The following MARS1 variants were observed in gnomAD, a reference collection of about 807,000 sequenced individuals.
MARS1 encodes the protein methionine--tRNA ligase, cytoplasmic.
A neutral mutation model predicts 119.5 loss-of-function variants in MARS1; 80 were observed. The ratio of observed to expected loss-of-function variants is 0.67; its 90% confidence interval spans 0.56 to 0.81. The LOEUF (loss-of-function observed/expected upper bound fraction) is 0.81. MARS1 is among the 30% of genes least tolerant of loss of function. The probability of loss-of-function intolerance (pLI) is 0.00; values close to 1 mark genes in which losing one functional copy is unlikely to be tolerated. For synonymous variants in MARS1, 418 were observed against 433.4 expected, an observed-to-expected ratio of 0.96 and a Z score of 0.44; for missense variants, 945 against 1,116.5, an observed-to-expected ratio of 0.85 and a Z score of 2.19.
intron 4 of MARS1, 148 bp downstream of exon 4, chr12:57,489,706 T>C: frequency 8.0e-7 from 1 of 1,242,534 alleles, no homozygotes; most frequent in Non-Finnish European, 1.1e-6. Context: ...ATCCTCAATT[T>C]TTTTCAGTTG....
At chr12:57,507,715 C>T (rs1319064616) in intron 11 of MARS1, among the ~76,000 whole-genome samples, 1 of 131,976 alleles carries the variant, frequency 7.6e-6, no homozygotes, top group Non-Finnish European at 1.7e-5. Flanking sequence ...GTCTGGCCCC[C>T]CACCTCCCTC....
chr12:57,500,267 G>C, intron 9 of MARS1, 54 bp from the exon 10 acceptor site: 3 of 1,470,728 alleles, frequency 2.0e-6, no homozygotes, highest in Non-Finnish European at 1.9e-6. Context: ...CAGGAGGAAG[G>C]GGTCCACCAC....
intron 7 of MARS1, among the ~76,000 whole-genome samples, chr12:57,491,867 A>G (rs901665962): frequency 6.6e-6 from 1 of 152,212 alleles, no homozygotes; most frequent in Non-Finnish European, 1.5e-5. Flanking sequence ...CCTGCATGCT[A>G]GGAGCTGGGT....
chr12:57,510,604 T>TA lies in MARS1; in HGVS notation c.1369-1082dup, dbSNP rs767292746. ...TGGGCAACAGAGTGACACCCTACCTTAAAAAAAAAAAAGAAAATTTTTTTT... is the reference window on the plus strand; with the variant it reads ...TGGGCAACAGAGTGACACCCTACCTTAAAAAAAAAAAAAGAAAATTTTTTTT... On this transcript the variant is annotated intron_variant, in intron 11 of 20. Transcript: ENST00000262027. 4.5e-3 allele frequency among the ~76,000 whole-genome samples: 645 copies of TA among 141,862 alleles called. 10 individuals carry two copies. The highest frequency in any genetic ancestry group is 0.036 in the Admixed American group (512 of 14,158). The allele number at this position is 141,862 out of a possible 152,430, so 93.1% of individuals were successfully genotyped here. A position where few individuals can be genotyped will look rare whatever the true frequency, so the allele number is the denominator to read the frequency against.
At chr12:57,504,045 T>A in intron 10 of MARS1, 180 bp from the exon 11 acceptor site, 1 of 599,922 alleles carries the variant, frequency 1.7e-6, no homozygotes, top group Non-Finnish European at 3.0e-6. Flanking sequence ...AATGGAGTTA[T>A]ACTGAGAAGA....
chr12:57,498,779 G>A (rs1438254671), intron 9 of MARS1, among the ~76,000 whole-genome samples, 156 bp downstream of exon 9: 1 of 152,086 alleles, frequency 6.6e-6, no homozygotes, highest in African/African-American at 2.4e-5. Flanking sequence ...GCATTTTTGA[G>A]GGAAGATGGT....
intron 12 of MARS1, 34 bp from the exon 13 acceptor site, chr12:57,511,974 G>A: frequency 1.9e-6 from 3 of 1,609,154 alleles, no homozygotes; most frequent in Non-Finnish European, 2.6e-6. Context: ...CTTTGGATTG[G>A]TCCCTAACAT....
At chr12:57,511,594 T>G in intron 11 of MARS1, 104 bp from the exon 12 acceptor site, 1 of 1,248,542 alleles carries the variant, frequency 8.0e-7, no homozygotes, top group Non-Finnish European at 1.1e-6. Context: ...AAAAAAAAAG[T>G]TATATATTGC....
At chr12:57,502,479 G>T (rs1876960829) in intron 10 of MARS1, among the ~76,000 whole-genome samples, 1 of 152,050 alleles carries the variant, frequency 6.6e-6, no homozygotes, top group African/African-American at 2.4e-5. Context: ...AGCTGAGGCG[G>T]CCGGATCACC....
At chr12:57,503,421 C>T (rs550461102) in intron 10 of MARS1, among the ~76,000 whole-genome samples, 11 of 152,054 alleles carry the variant, frequency 7.2e-5, no homozygotes, top group Admixed American at 4.6e-4. Flanking sequence ...TTAGTAGAGA[C>T]GAGGTTTCAC....
rs541957102 is a variant in MARS1, at chr12:57,488,918, C to A, written c.110-101C>A. 5.9e-4 allele frequency: 586 copies of A among 997,496 alleles called. 10 individuals are homozygous for A. In the South Asian group the frequency reaches 8.1e-3, roughly 14 times the overall value. 61.8% of individuals were successfully genotyped at this position (997,496 alleles called of 1,614,324 possible). A position where few individuals can be genotyped will look rare whatever the true frequency, so the allele number is the denominator to read the frequency against. On this transcript the variant is annotated intron_variant, in intron 1 of 20. Coordinates refer to ENST00000262027, the MANE Select transcript of MARS1 (RefSeq NM_004990.4). ...TTCTGGGTTGAGACTGCCCATCTTT[C>A]TTTTTTTACTCACTGAACAATGCAA...
intron 11 of MARS1, among the ~76,000 whole-genome samples, chr12:57,506,108 G>A (rs1489454266): frequency 6.6e-6 from 1 of 151,840 alleles, no homozygotes; most frequent in Non-Finnish European, 1.5e-5. Flanking sequence ...AAATACAGAA[G>A]TTAACTGGGT....
intron 1 of MARS1, 106 bp from the exon 2 acceptor site, chr12:57,488,913 T>G: frequency 2.1e-6 from 2 of 936,518 alleles, no homozygotes; most frequent in African/African-American, 1.6e-5. Context: ...AGACTGCCCA[T>G]CTTTCTTTTT....
chr12:57,514,873 CTT>C, intron 16 of MARS1, 22 bp downstream of exon 16: 1 of 1,613,310 alleles, frequency 6.2e-7, no homozygotes. Context: ...ACACCTCTGT[CTT>C]TTCTGCTGGC....
chr12:57,505,413 C>T (rs562956986), intron 11 of MARS1, among the ~76,000 whole-genome samples: 2 of 152,206 alleles, frequency 1.3e-5, no homozygotes, highest in African/African-American at 2.4e-5. Context: ...CCATCCACCT[C>T]GGCCTCCCAG....
In MARS1 at chr12:57,511,717, A is replaced by C; in HGVS notation, c.1388A>C (p.Glu463Ala). 1 of 1,614,140 alleles carries C rather than the reference A, an allele frequency of 6.2e-7. No individual in the cohort carries two copies. Among genetic ancestry groups the C allele is most frequent in the Non-Finnish European group, 8.5e-7 (1 of 1,180,018 alleles). The change falls in exon 12 of 21, where the codon GAG becomes GCG. Residue 463 changes from glutamate to alanine, a missense_variant. Transcript: ENST00000262027. ...TCTCAGCTGGAGAAGCGACTGGAGG[A>C]GTGGTTGGGGAGGACATTGCCTGGC... ...DLPKLEKRLE[E>A]WLGRTLPGSD...
intron 11 of MARS1, among the ~76,000 whole-genome samples, chr12:57,507,826 G>A (rs569533751): frequency 9.0e-4 from 137 of 151,436 alleles, no homozygotes; most frequent in Non-Finnish European, 1.4e-3. Context: ...CTCCCGGACG[G>A]GGTGGCTGCC....
intron 11 of MARS1, among the ~76,000 whole-genome samples, chr12:57,509,494 T>C (rs1013887180): frequency 2.6e-5 from 4 of 151,720 alleles, no homozygotes; most frequent in African/African-American, 2.4e-5. Context: ...GCAACTGCCA[T>C]CTCCAGGATT....
intron 16 of MARS1, 48 bp from the exon 17 acceptor site, chr12:57,514,906 T>C (rs563279594): frequency 8.1e-6 from 13 of 1,613,798 alleles, no homozygotes; most frequent in East Asian, 6.7e-5. Context: ...CCTCCTTGTA[T>C]TGGTCTCTGT....
Sources: gnomAD v4.1 joint callset for allele counts (sites outside exome capture counted in the v4.1 genomes callset) on GRCh38, gnomAD v4.1.1 for gene constraint, MANE v1.5 for transcripts, NCBI Gene and HGNC (gene_info 2026-07-23, HGNC 2026-07-21) for gene names.